The following C21orf58 variants were observed in gnomAD, a reference collection of about 807,000 sequenced individuals.
C21orf58 encodes the protein chromosome 21 open reading frame 58.
In C21orf58, 34 loss-of-function variants were observed where a neutral mutation model predicts 35.8. That is an observed-to-expected ratio of 0.95 (90% CI 0.72 to 1.26). The LOEUF (loss-of-function observed/expected upper bound fraction) is 1.26, where lower values mean the gene tolerates loss of function less well. Ranked by LOEUF, C21orf58 falls within the 50% of genes most tolerant of loss-of-function variation. The pLI is 0.00. For missense variants in C21orf58, 440 were observed against 414.3 expected (o/e 1.06, Z -0.54); for synonymous variants, 191 against 175.8 (o/e 1.09, Z -0.68).
At chr21:46,314,595 T>C in intron 5 of C21orf58, 121 bp downstream of exon 5, 1 of 777,840 alleles carries the variant, frequency 1.3e-6, no homozygotes, top group Non-Finnish European at 2.0e-6. Flanking sequence ...GGGTGGGCCT[T>C]GGGAGGATGG....
intron 1 of C21orf58, among the ~76,000 whole-genome samples, chr21:46,320,225 C>A (rs2083109469): frequency 1.3e-5 from 2 of 151,940 alleles, no homozygotes; most frequent in Non-Finnish European, 2.9e-5. Context: ...GCCTCAGCCT[C>A]CCGAGTAGCT....
At chr21:46,314,672 C>T (rs975708298) in intron 5 of C21orf58, 44 bp downstream of exon 5, 2 of 1,360,934 alleles carry the variant, frequency 1.5e-6, no homozygotes, top group Non-Finnish European at 2.0e-6. Flanking sequence ...AATTCCGCAC[C>T]CGCCTCCCAC....
chr21:46,301,097 T>TA, downstream of C21orf58: 1 of 1,010,442 alleles, frequency 9.9e-7, no homozygotes, highest in Non-Finnish European at 1.2e-6. Flanking sequence ...TTTTTTTTTT[T>TA]ATTAACTCAA....
At chr21:46,315,889 C>T (rs1025378519) in intron 3 of C21orf58, among the ~76,000 whole-genome samples, 2 of 152,146 alleles carry the variant, frequency 1.3e-5, no homozygotes, top group Non-Finnish European at 2.9e-5. Context: ...GTCAAGGGCT[C>T]TACAGGGCTG....
At chr21:46,302,345 G>A (rs1043942273) in intron 7 of C21orf58, 140 bp downstream of exon 7, 3 of 1,105,690 alleles carry the variant, frequency 2.7e-6, no homozygotes, top group Middle Eastern at 6.0e-4. Flanking sequence ...GGACTCGATG[G>A]GGATGGGGGC....
chr21:46,314,756 G>T lies in C21orf58; in HGVS notation c.569C>A (p.Ser190Tyr). The change falls in exon 5 of 8, where the codon TCC becomes TAC. Residue 190 changes from serine (S) to tyrosine (Y), a missense_variant. Transcript: ENST00000291691. ...PTGILPTASP[S>Y]PLAPDPPRII... is the part of the protein sequence containing the mutation. Reference sequence around the variant, plus strand: ...CCTTGGCGGGTCTGGGGCCAGCGGGGATGGGGAGGCAGTGGGTAGGATGCC... The same window carrying T: ...CCTTGGCGGGTCTGGGGCCAGCGGGTATGGGGAGGCAGTGGGTAGGATGCC... 6.6e-7 allele frequency: 1 copy of T among 1,508,240 alleles called. No individual in the cohort carries two copies. Among genetic ancestry groups the T allele is most frequent in the Non-Finnish European group, 8.9e-7 (1 of 1,120,982 alleles). The allele number at this position is 1,508,240 out of a possible 1,614,324, so 93.4% of individuals were successfully genotyped here. A position where few individuals can be genotyped will look rare whatever the true frequency, so the allele number is the denominator to read the frequency against.
chr21:46,322,131 A>G (rs1307335548), intron 1 of C21orf58, among the ~76,000 whole-genome samples: 1 of 152,098 alleles, frequency 6.6e-6, no homozygotes, highest in African/African-American at 2.4e-5. Context: ...TCTACTAAAA[A>G]TACAAAAATT....
chr21:46,300,498 T>C (rs907830035), downstream of C21orf58: 4 of 278,188 alleles, frequency 1.4e-5, no homozygotes, highest in African/African-American at 2.3e-5. Flanking sequence ...AAAGAGGAAA[T>C]GGAGTCTGAG....
chr21:46,319,733 T>C (rs925526801), intron 1 of C21orf58, among the ~76,000 whole-genome samples: 1 of 151,342 alleles, frequency 6.6e-6, no homozygotes, highest in African/African-American at 2.4e-5. Flanking sequence ...CCGTCTCTAC[T>C]AAAAATACAA....
At chr21:46,308,366 CAGG>C in intron 6 of C21orf58, among the ~76,000 whole-genome samples, 1 of 151,976 alleles carries the variant, frequency 6.6e-6, no homozygotes, top group South Asian at 2.1e-4. Flanking sequence ...GAGGCTGAGG[CAGG>C]AGAATTGTTT....
intron 1 of C21orf58, chr21:46,318,833 G>A (rs1024638567): frequency 3.0e-6 from 3 of 987,304 alleles, no homozygotes; most frequent in Non-Finnish European, 3.6e-6. Flanking sequence ...AGGAAGCTTC[G>A]CAGAGGGTGA....
chr21:46,316,093 G>A (rs2082967358), intron 3 of C21orf58, among the ~76,000 whole-genome samples: 1 of 152,004 alleles, frequency 6.6e-6, no homozygotes, highest in Non-Finnish European at 1.5e-5. Flanking sequence ...GGGGTGCAGT[G>A]AATTGTGATC....
At position 46,317,163 on chromosome 21, in the gene C21orf58, C is replaced by A. The variant is rs774009674; in HGVS notation, c.370+45G>T. ...GGTGGCTCCCCCTGGAGTGGCTACA[C>A]TTGCGTCTGTCTGTGCTGGTTCCAA... On this transcript the variant is annotated intron_variant, in intron 3 of 7. Coordinates refer to ENST00000291691, the MANE Select transcript of C21orf58 (RefSeq NM_058180.5). 5 of 1,588,142 alleles carry A rather than the reference C, an allele frequency of 3.1e-6. No homozygotes were observed. The Admixed American group carries it at 8.7e-5, about 28-fold the overall frequency.
chr21:46,311,979 C>G (rs2082737644), intron 5 of C21orf58, among the ~76,000 whole-genome samples: 1 of 129,958 alleles, frequency 7.7e-6, no homozygotes, highest in Non-Finnish European at 1.7e-5. Flanking sequence ...ACCCACCCAT[C>G]CATCCACCCA....
chr21:46,301,182 TC>T lies in C21orf58; in HGVS notation c.*816del. On this transcript the variant is annotated 3_prime_UTR_variant, in exon 8 of 8. Coordinates refer to ENST00000291691, the MANE Select transcript of C21orf58 (RefSeq NM_058180.5). Reference sequence around the variant, plus strand: ...TTTGAGACAGGGGCCTGCTCTGTGGTCCAGGCTATAGTGCAGTGGTTCCATC... The same window carrying T: ...TTTGAGACAGGGGCCTGCTCTGTGGTCAGGCTATAGTGCAGTGGTTCCATC... The T allele has an allele frequency of 2.8e-6, 2 of 705,992 alleles. No homozygotes were observed. Among genetic ancestry groups the T allele is most frequent in the Non-Finnish European group, 3.5e-6 (2 of 572,574 alleles). The allele number at this position is 705,992 out of a possible 1,614,324, so 43.7% of individuals were successfully genotyped here.
chr21:46,315,105 C>T (rs1326297483), intron 4 of C21orf58: 12 of 1,311,914 alleles, frequency 9.1e-6, no homozygotes, highest in Non-Finnish European at 1.2e-5. Flanking sequence ...TTTCCAGCCC[C>T]AGGGTCTGTT....
At position 46,314,724 on chromosome 21, in the gene C21orf58, G is replaced by A; in HGVS notation, c.601C>T (p.Leu201=). ...PLAPDPPRII[L]PTVPQPPATI... is the part of the protein sequence containing the mutation. Reference sequence around the variant, plus strand: ...CGACTTCGCCCTCTTACCGTAGGCAGGATGATCCTTGGCGGGTCTGGGGCC... The same window carrying A: ...CGACTTCGCCCTCTTACCGTAGGCAAGATGATCCTTGGCGGGTCTGGGGCC... Residue 201 remains leucine, a synonymous_variant, in exon 5 of 8, where the codon CTG becomes TTG. Coordinates refer to ENST00000291691, the MANE Select transcript of C21orf58 (RefSeq NM_058180.5). 1 of 1,469,356 alleles carries A rather than the reference G, an allele frequency of 6.8e-7. No individual in the cohort carries two copies. The highest frequency in any genetic ancestry group is 9.1e-7 in the Non-Finnish European group (1 of 1,103,148). The allele number at this position is 1,469,356 out of a possible 1,614,324, so 91.0% of individuals were successfully genotyped here. A position where few individuals can be genotyped will look rare whatever the true frequency, so the allele number is the denominator to read the frequency against.
In C21orf58 at chr21:46,318,657, G is replaced by A. The variant is rs144689258; in HGVS notation, c.101-437C>T. ...GGAGACACTGGGAGGACAGGGTGAG[G>A]AGACTGCCTACCAAGGAGTTCAGGA... is the stretch of plus-strand genomic sequence containing the variant. On this transcript the variant is annotated intron_variant, in intron 1 of 7. Coordinates refer to ENST00000291691, the MANE Select transcript of C21orf58 (RefSeq NM_058180.5). The A allele has an allele frequency of 9.8e-5, 105 of 1,074,608 alleles. 1 individual carries two copies. The East Asian group carries it at 6.8e-3, about 69-fold the overall frequency. The allele number at this position is 1,074,608 out of a possible 1,614,324, so 66.6% of individuals were successfully genotyped here.
rs917752273 is a variant in C21orf58, at chr21:46,323,443, G to C, written c.-705C>G. The stretch of plus-strand genomic sequence containing the variant: ...ATCAGTGAGACACACGAGCAGACAC[G>C]GGCTCGGTCGGGAAAGGCGGGAGCT... On this transcript the variant is annotated 5_prime_UTR_variant, in exon 1 of 8. Transcript: ENST00000291691. 1 of 152,164 alleles carries C rather than the reference G, an allele frequency of 6.6e-6. No homozygotes were observed. The highest frequency in any genetic ancestry group is 1.5e-5 in the Non-Finnish European group (1 of 68,088). 9.4% of individuals were successfully genotyped at this position (152,164 alleles called of 1,614,324 possible).
Sources: gnomAD v4.1 joint callset for allele counts (sites outside exome capture counted in the v4.1 genomes callset) on GRCh38, gnomAD v4.1.1 for gene constraint, MANE v1.5 for transcripts, NCBI Gene and HGNC (gene_info 2026-07-23, HGNC 2026-07-21) for gene names.